UPF2: variants seen among roughly 807,000 people sequenced by gnomAD.
UPF2 encodes the protein regulator of nonsense transcripts 2.
In UPF2, 17 loss-of-function variants were observed where a neutral mutation model predicts 141.4. That is an observed-to-expected ratio of 0.12 (90% CI 0.08 to 0.18). UPF2 has a LOEUF of 0.18. Ranked by LOEUF, UPF2 falls within the 10% of genes least tolerant of loss-of-function variation. UPF2 has a pLI of 1.00. For synonymous variants in UPF2, 540 were observed against 498.0 expected (o/e 1.08, Z -1.12); for missense variants, 1,152 against 1,515.9 (o/e 0.76, Z 3.99).
intron 8 of UPF2, among the ~76,000 whole-genome samples, chr10:11,985,119 A>G (rs527990132): frequency 1.3e-5 from 2 of 152,322 alleles, no homozygotes; most frequent in Non-Finnish European, 2.9e-5. Context: ...GATTTTTAAA[A>G]TGAGTTAAGG....
chr10:11,944,959 C>CA (rs1338664111), intron 16 of UPF2, among the ~76,000 whole-genome samples: 5 of 152,216 alleles, frequency 3.3e-5, no homozygotes, highest in African/African-American at 1.2e-4. Context: ...GCAAATTATT[C>CA]AACCTATCTG....
chr10:11,928,112 G>A lies in UPF2; in HGVS notation c.3809+1753C>T, dbSNP rs368002675. ...AAGACAAAATTAATTGAGGTGGGTG[G>A]ACCACCTGAGGTTAGGAGTTCGAGA... On this transcript the variant is annotated intron_variant, in intron 21 of 21. Transcript: ENST00000357604. Among the ~76,000 whole-genome samples, 24 of 152,248 alleles carry A rather than the reference G, an allele frequency of 1.6e-4. 1 individual carries two copies. The East Asian group carries it at 3.9e-3, about 24-fold the overall frequency.
Position 11,929,915 on chromosome 10 carries a change from T to C in UPF2, c.3759A>G (p.Gln1253=). 1 of 1,614,248 alleles carries C rather than the reference T, an allele frequency of 6.2e-7. No individual in the cohort carries two copies. The highest frequency in any genetic ancestry group is 8.5e-7 in the Non-Finnish European group (1 of 1,180,044). The change falls in exon 21 of 22, where the codon CAA becomes CAG. Residue 1253 remains glutamine (Q), a synonymous_variant. Coordinates refer to ENST00000357604, the MANE Select transcript of UPF2 (RefSeq NM_015542.4). ...CTGCATTAGGTGCTCCCTTCGGATG[T>C]TGGTAGCGAGGCCGCCTCTCACGAT... is the stretch of plus-strand genomic sequence containing the variant. ...NTNRERRPRY[Q]HPKGAPNADL... is the part of the protein sequence containing the mutation.
chr10:11,923,606 G>C (rs957276408), intron 21 of UPF2, among the ~76,000 whole-genome samples: 4 of 151,716 alleles, frequency 2.6e-5, no homozygotes, highest in Non-Finnish European at 5.9e-5. Context: ...CTTGAACCCG[G>C]GAGGCGGAGG....
At chr10:12,033,009 C>T (rs894199907) in intron 2 of UPF2, among the ~76,000 whole-genome samples, 1 of 151,936 alleles carries the variant, frequency 6.6e-6, no homozygotes, top group Non-Finnish European at 1.5e-5. Flanking sequence ...CATCACCCCC[C>T]CAAAAATGGG....
rs1018304054 is a variant in UPF2, at chr10:11,953,212, T to C, written c.2851-963A>G. Among the ~76,000 whole-genome samples, 1 of 152,176 alleles carries C rather than the reference T, an allele frequency of 6.6e-6. No homozygotes were observed. The highest frequency in any genetic ancestry group is 2.4e-5 in the African/African-American group (1 of 41,432). Reference sequence around the variant, plus strand: ...GGTATTCCTCTGGGAGTTTTACTCTTCCTCTCCAGTTTGTTCCAGGTCCTT... The same window carrying C: ...GGTATTCCTCTGGGAGTTTTACTCTCCCTCTCCAGTTTGTTCCAGGTCCTT... On this transcript the variant is annotated intron_variant, in intron 14 of 21. Coordinates refer to ENST00000357604, the MANE Select transcript of UPF2 (RefSeq NM_015542.4). This position sits in a 1 kb window ranked among gnomAD's most constrained non-coding sequence, Gnocchi z 5.0.
intron 1 of UPF2, among the ~76,000 whole-genome samples, chr10:12,036,237 A>T (rs1479617949): frequency 6.6e-6 from 1 of 152,312 alleles, no homozygotes; most frequent in East Asian, 1.9e-4. Context: ...TGTGCTCTGT[A>T]GGAGGTTTAG....
intron 2 of UPF2, among the ~76,000 whole-genome samples, chr10:12,032,169 C>G (rs1441109623): frequency 6.6e-6 from 1 of 151,994 alleles, no homozygotes; most frequent in Non-Finnish European, 1.5e-5. Context: ...TGGCACATGC[C>G]TGTAATCCCA....
At chr10:11,925,105 A>G (rs1239724453) in intron 21 of UPF2, among the ~76,000 whole-genome samples, 1 of 152,210 alleles carries the variant, frequency 6.6e-6, no homozygotes. Context: ...GGTATGAGCC[A>G]TCACAACCAG....
intron 3 of UPF2, chr10:12,026,549 A>G: frequency 2.3e-6 from 1 of 429,252 alleles, no homozygotes; most frequent in Non-Finnish European, 4.6e-6. Context: ...TATTCCTCAA[A>G]CCATCTGTGG....
At chr10:12,004,486 A>G in intron 5 of UPF2, 44 bp downstream of exon 5, 1 of 1,474,264 alleles carries the variant, frequency 6.8e-7, no homozygotes, top group Non-Finnish European at 9.1e-7. Flanking sequence ...TTTGAAGCTA[A>G]TTCTTATAGC....
intron 2 of UPF2, among the ~76,000 whole-genome samples, chr10:12,034,580 C>T (rs1026659497): frequency 2.0e-5 from 3 of 152,106 alleles, no homozygotes; most frequent in South Asian, 2.1e-4. Flanking sequence ...CTGAGGCGGG[C>T]GGATCACCTG....
chr10:12,009,610 A>G lies in UPF2; in HGVS notation c.1306+4414T>C, dbSNP rs190008481. 6.4e-4 allele frequency among the ~76,000 whole-genome samples: 98 copies of G among 152,350 alleles called. 1 individual carries two copies. The highest frequency in any genetic ancestry group is 6.8e-3 in the Middle Eastern group (2 of 294). The stretch of plus-strand genomic sequence containing the variant: ...AATAATCCCTGATAGGGAGCAGACG[A>G]AAAACTCAGCTCTACAATTGCCCCA... On this transcript the variant is annotated intron_variant, in intron 4 of 21. Transcript: ENST00000357604.
At chr10:12,018,050 C>T (rs572423644) in intron 3 of UPF2, among the ~76,000 whole-genome samples, 1 of 152,298 alleles carries the variant, frequency 6.6e-6, no homozygotes, top group South Asian at 2.1e-4. Context: ...TCTTTGACAT[C>T]TAAGTAATAC....
At position 11,936,843 on chromosome 10, in the gene UPF2, A is replaced by G. The variant is rs1200048624; in HGVS notation, c.3379-131T>C. 8.2e-6 allele frequency: 7 copies of G among 849,296 alleles called. No individual in the cohort carries two copies. The South Asian group carries it at 1.6e-4, about 20-fold the overall frequency. The allele number at this position is 849,296 out of a possible 1,614,324, so 52.6% of individuals were successfully genotyped here. On this transcript the variant is annotated intron_variant, in intron 18 of 21. Transcript: ENST00000357604. The surrounding 1 kb of genome is among the most constrained non-coding windows in gnomAD (Gnocchi z 6.6). ...ATCATAAGAGCCATAACAGTCAACA[A>G]TTACAACCACCATAATACTCTTTCT...
chr10:11,958,066 G>C (rs1041713262), intron 12 of UPF2, among the ~76,000 whole-genome samples: 3 of 152,102 alleles, frequency 2.0e-5, no homozygotes, highest in Non-Finnish European at 2.9e-5. Flanking sequence ...AAAAATGTTA[G>C]TGGCCAGGTG....
In UPF2 at chr10:11,964,136, A is replaced by G. The variant is rs1384759461; in HGVS notation, c.2068-11T>C. The G allele has an allele frequency of 1.9e-6, 3 of 1,591,162 alleles. No individual in the cohort carries two copies. The highest frequency in any genetic ancestry group is 2.6e-6 in the Non-Finnish European group (3 of 1,161,690). On this transcript the variant is annotated splice_polypyrimidine_tract_variant and intron_variant, in intron 10 of 21. Transcript: ENST00000357604. Reference sequence around the variant, plus strand: ...GTCTGACAGAAGCATCTGCAACAGGAAGAATGATGAAAACTACAAAGGCAA... The same window carrying G: ...GTCTGACAGAAGCATCTGCAACAGGGAGAATGATGAAAACTACAAAGGCAA...
At chr10:11,987,276 A>G (rs1048718179) in intron 8 of UPF2, among the ~76,000 whole-genome samples, 1 of 152,258 alleles carries the variant, frequency 6.6e-6, no homozygotes, top group East Asian at 1.9e-4. Flanking sequence ...ATGTTTACCT[A>G]TGCAACAAAC....
rs1447244996 is a variant in UPF2 at position 11,936,861 on chromosome 10, C to G, written c.3379-149G>C. On this transcript the variant is annotated intron_variant, in intron 18 of 21. Transcript: ENST00000357604. This position sits in a 1 kb window ranked among gnomAD's most constrained non-coding sequence, Gnocchi z 6.6. Reference sequence around the variant, plus strand: ...GTCAACAATTACAACCACCATAATACTCTTTCTGAAACGTGGATAAATCTA... The same window carrying G: ...GTCAACAATTACAACCACCATAATAGTCTTTCTGAAACGTGGATAAATCTA... 1.3e-6 allele frequency: 1 copy of G among 741,880 alleles called. No homozygotes were observed. The highest frequency in any genetic ancestry group is 2.0e-6 in the Non-Finnish European group (1 of 494,634). 46.0% of individuals were successfully genotyped at this position (741,880 alleles called of 1,614,324 possible). A position where few individuals can be genotyped will look rare whatever the true frequency, so the allele number is the denominator to read the frequency against.
Sources: gnomAD v4.1 joint callset for allele counts (sites outside exome capture counted in the v4.1 genomes callset) on GRCh38, gnomAD v4.1.1 for gene constraint, Gnocchi (gnomAD v3.1) non-coding constraint, MANE v1.5 for transcripts, NCBI Gene and HGNC (gene_info 2026-07-23, HGNC 2026-07-21) for gene names.